Variants in DYNC1H1 observed in about 807,000 individuals in gnomAD.
DYNC1H1 encodes cytoplasmic dynein 1 heavy chain 1.
A neutral mutation model predicts 527.1 loss-of-function variants in DYNC1H1; 51 were observed. The observed-to-expected ratio is 0.10, with a 90% confidence interval of 0.08 to 0.12. The LOEUF is 0.12. Among genes scored for constraint, DYNC1H1 ranks in the 10% least tolerant of loss-of-function variants. The pLI, the probability that DYNC1H1 is intolerant of heterozygous loss-of-function variation, is 1.00. For missense variants in DYNC1H1, 2,771 were observed against 5,971.8 expected (o/e 0.46, Z 17.66); for synonymous variants, 2,189 against 2,278.8 (o/e 0.96, Z 1.12).
chr14:102,035,409 C>G (rs545520636), intron 56 of DYNC1H1: 1 of 152,258 alleles, frequency 6.6e-6, no homozygotes, highest in Non-Finnish European at 1.5e-5. Flanking sequence ...GGCTAGGTGC[C>G]GAGAGGGTTC....
In DYNC1H1 at chr14:102,012,169, T is replaced by G; in HGVS notation, c.6857+56T>G. On this transcript the variant is annotated intron_variant, in intron 33 of 77. Transcript: ENST00000360184. This position sits in a 1 kb window ranked among gnomAD's most constrained non-coding sequence, Gnocchi z 4.9. The stretch of plus-strand genomic sequence containing the variant: ...TCCTGGATATGGGCGCTAAGTACTT[T>G]GCTCTCACAAGAGCAGAGTATACGT... 1.2e-6 allele frequency: 2 copies of G among 1,612,512 alleles called. No individual in the cohort carries two copies. Among genetic ancestry groups the G allele is most frequent in the Non-Finnish European group, 1.7e-6 (2 of 1,178,590 alleles).
rs12161907 is a variant in DYNC1H1, at chr14:101,988,448, G to A, written c.2719-255G>A. On this transcript the variant is annotated intron_variant, in intron 9 of 77. Coordinates refer to ENST00000360184, the MANE Select transcript of DYNC1H1 (RefSeq NM_001376.5). ...GCACACCAGTGGAGAGTGTTGGGGA[G>A]GAGGATATTTTATAGCAGAGGTTAC... Among the ~76,000 whole-genome samples, 838 of 152,288 alleles carry A rather than the reference G, an allele frequency of 5.5e-3. 16 individuals carry two copies. The highest frequency in any genetic ancestry group is 0.036 in the East Asian group (189 of 5,182).
At chr14:102,034,633 TGA>T (rs2048550452) in intron 56 of DYNC1H1, 181 bp downstream of exon 56, 1 of 1,005,988 alleles carries the variant, frequency 9.9e-7, no homozygotes, top group Admixed American at 2.0e-5. Flanking sequence ...GTCAAGTGTC[TGA>T]GTTATTCTGC....
rs2048739424 is a variant in DYNC1H1, at chr14:102,047,627, G to GTGTGTGTGTGTA, written c.13007-179_13007-178insATGTGTGTGTGT. 2.7e-5 allele frequency: 11 copies of GTGTGTGTGTGTA among 400,010 alleles called. 1 individual carries two copies. The African/African-American group carries it at 4.1e-4, about 15-fold the overall frequency. 24.8% of individuals were successfully genotyped at this position (400,010 alleles called of 1,614,324 possible). A position where few individuals can be genotyped will look rare whatever the true frequency, so the allele number is the denominator to read the frequency against. On this transcript the variant is annotated intron_variant, in intron 72 of 77. Transcript: ENST00000360184. ...CATATATGTATATATACACGTGTGT[G>GTGTGTGTGTGTA]TGTGTGTGTGTGTGTATATATATAT...
rs536343159 is a variant in DYNC1H1, at chr14:102,003,287, G to A, written c.4883+322G>A. 2.7e-5 allele frequency among the ~76,000 whole-genome samples: 4 copies of A among 149,038 alleles called. No homozygotes were observed. The South Asian group carries it at 8.5e-4, about 32-fold the overall frequency. On this transcript the variant is annotated intron_variant, in intron 23 of 77. Transcript: ENST00000360184. Reference sequence around the variant, plus strand: ...TTTTCTTTTTTTTTTTTTTGAGATGGAGTCTTGCTCTGTCGCCCAGGCTGG... The same window carrying A: ...TTTTCTTTTTTTTTTTTTTGAGATGAAGTCTTGCTCTGTCGCCCAGGCTGG...
chr14:102,047,410 G>A (rs1200547810), intron 72 of DYNC1H1, among the ~76,000 whole-genome samples: 3 of 151,720 alleles, frequency 2.0e-5, no homozygotes, highest in African/African-American at 7.3e-5. Context: ...GGTGCCACAT[G>A]CCTGTAATCC....
intron 11 of DYNC1H1, among the ~76,000 whole-genome samples, chr14:101,992,931 A>G (rs892940830): frequency 2.0e-5 from 3 of 151,322 alleles, no homozygotes; most frequent in African/African-American, 7.3e-5. Flanking sequence ...ACTCCTGTGC[A>G]CTCTCATTGT....
Position 102,027,333 on chromosome 14 carries a change from T to G in DYNC1H1, c.8886+45T>G, listed in dbSNP as rs775951658. Reference sequence around the variant, plus strand: ...TCTTAATCCCAGCAACAGATGTGTGTGCAGAGCTCAGTGAGTAGGAATGGA... The same window carrying G: ...TCTTAATCCCAGCAACAGATGTGTGGGCAGAGCTCAGTGAGTAGGAATGGA... On this transcript the variant is annotated intron_variant, in intron 45 of 77. Coordinates refer to ENST00000360184, the MANE Select transcript of DYNC1H1 (RefSeq NM_001376.5). The surrounding 1 kb of genome is among the most constrained non-coding windows in gnomAD (Gnocchi z 7.7). 5 of 1,614,060 alleles carry G rather than the reference T, an allele frequency of 3.1e-6. No homozygotes were observed. In the South Asian group the frequency reaches 3.3e-5, roughly 11 times the overall value.
In DYNC1H1 at chr14:102,005,051, G is replaced by C. The variant is rs199740595; in HGVS notation, c.5248G>C (p.Val1750Leu). 1 of 1,614,234 alleles carries C rather than the reference G, an allele frequency of 6.2e-7. No individual in the cohort carries two copies. The highest frequency in any genetic ancestry group is 2.2e-5 in the East Asian group (1 of 44,882). Residue 1750 changes from valine to leucine, a missense_variant, in exon 26 of 78, where the codon GTG (valine) becomes CTG (leucine). Val to Leu is a conservative substitution (Grantham distance 32). Transcript: ENST00000360184. The surrounding 1 kb of genome is among the most constrained non-coding windows in gnomAD (Gnocchi z 4.0). Reference sequence around the variant, plus strand: ...TTTCTGTGTCTTTCAGGCCCAGCTTGTGGTTTTGTCAGCCCAGATAGCCTG... The same window carrying C: ...TTTCTGTGTCTTTCAGGCCCAGCTTCTGGTTTTGTCAGCCCAGATAGCCTG... ...TWIDKYQAQL[V>L]VLSAQIAWSE...
Position 102,033,845 on chromosome 14 carries a change from CTG to C in DYNC1H1, c.10414-128_10414-127del. On this transcript the variant is annotated intron_variant, in intron 54 of 77. Transcript: ENST00000360184. This position sits in a 1 kb window ranked among gnomAD's most constrained non-coding sequence, Gnocchi z 5.6. ...GATCTGGGTCTCATCTCCTCTGGGA[CTG>C]TGAACAACTTGGGCACGTTTCTAAC... 1 of 948,928 alleles carries C rather than the reference CTG, an allele frequency of 1.1e-6. No individual in the cohort carries two copies. Among genetic ancestry groups the C allele is most frequent in the Non-Finnish European group, 1.6e-6 (1 of 611,036 alleles). The allele number at this position is 948,928 out of a possible 1,614,324, so 58.8% of individuals were successfully genotyped here.
chr14:102,029,502 T>C lies in DYNC1H1; in HGVS notation c.9469-37T>C, dbSNP rs200398882. On this transcript the variant is annotated intron_variant, in intron 48 of 77. Transcript: ENST00000360184. The surrounding 1 kb of genome is among the most constrained non-coding windows in gnomAD (Gnocchi z 5.3). The stretch of plus-strand genomic sequence containing the variant: ...TTTTCTGAGGTTAAGTCACAGAGTT[T>C]CCTGAAGAGTGAGAAGATGTAACTA... The C allele has an allele frequency of 6.2e-7, 1 of 1,613,942 alleles. No homozygotes were observed. The highest frequency in any genetic ancestry group is 1.1e-5 in the South Asian group (1 of 91,038).
chr14:102,020,194 GC>G lies in DYNC1H1; in HGVS notation c.8507+140del. 8.4e-7 allele frequency: 1 copy of G among 1,197,238 alleles called. No individual in the cohort carries two copies. Among genetic ancestry groups the G allele is most frequent in the Non-Finnish European group, 1.2e-6 (1 of 838,214 alleles). 74.2% of individuals were successfully genotyped at this position (1,197,238 alleles called of 1,614,324 possible). On this transcript the variant is annotated intron_variant, in intron 42 of 77. Transcript: ENST00000360184. This position sits in a 1 kb window ranked among gnomAD's most constrained non-coding sequence, Gnocchi z 4.3. Reference sequence around the variant, plus strand: ...GCCAGTGGTGGAAGGAGCAGAGTCAGCCAGGGCAGCCTCCCGTCTGGACACT... The same window carrying G: ...GCCAGTGGTGGAAGGAGCAGAGTCAGCAGGGCAGCCTCCCGTCTGGACACT...
At chr14:102,003,863 T>C (rs1265441244) in intron 23 of DYNC1H1, among the ~76,000 whole-genome samples, 4 of 151,924 alleles carry the variant, frequency 2.6e-5, no homozygotes, top group Admixed American at 1.3e-4. Context: ...GAGGCGGAGG[T>C]TGCAGTGAGC....
At chr14:102,022,284 C>G (rs940905697) in intron 42 of DYNC1H1, among the ~76,000 whole-genome samples, 4 of 151,588 alleles carry the variant, frequency 2.6e-5, no homozygotes, top group African/African-American at 9.7e-5. Flanking sequence ...ATCACGAGGT[C>G]AGGAGATCGA....
At chr14:101,976,643 A>G (rs1228614191) in intron 2 of DYNC1H1, among the ~76,000 whole-genome samples, 4 of 152,118 alleles carry the variant, frequency 2.6e-5, no homozygotes, top group Non-Finnish European at 5.9e-5. Flanking sequence ...AAGTTTTCCA[A>G]TTCAATATAA....
At chr14:101,970,378 G>A (rs558237007) in intron 1 of DYNC1H1, among the ~76,000 whole-genome samples, 57 of 150,578 alleles carry the variant, frequency 3.8e-4, no homozygotes, top group Middle Eastern at 6.9e-3. Context: ...CAAGAAAGGG[G>A]AAAACTAAAG....
chr14:102,000,489 A>G (rs2048117227), intron 18 of DYNC1H1, 90 bp downstream of exon 18: 3 of 1,166,718 alleles, frequency 2.6e-6, no homozygotes, highest in Non-Finnish European at 3.8e-6. Context: ...GTGTATTTGT[A>G]TTGTGAGTTC....
In DYNC1H1 at chr14:101,981,799, G is replaced by A. The variant is rs148341828; in HGVS notation, c.962-1220G>A. Among the ~76,000 whole-genome samples, 67 of 152,200 alleles carry A rather than the reference G, an allele frequency of 4.4e-4. 1 individual carries two copies. In the East Asian group the frequency reaches 0.012, roughly 27 times the overall value. On this transcript the variant is annotated intron_variant, in intron 5 of 77. Coordinates refer to ENST00000360184, the MANE Select transcript of DYNC1H1 (RefSeq NM_001376.5). ...TTTTTTTGATCTTATGCCAAAGAAA[G>A]TCAATAAATAGATTAGGATCCAAGC...
chr14:102,040,820 G>A (rs1025269007), intron 64 of DYNC1H1, 147 bp downstream of exon 64: 26 of 942,926 alleles, frequency 2.8e-5, no homozygotes, highest in Admixed American at 8.0e-5. Flanking sequence ...TTAGCCAGGC[G>A]TGGCGGTGCA....
Sources: gnomAD v4.1 joint callset for allele counts (sites outside exome capture counted in the v4.1 genomes callset) on GRCh38, gnomAD v4.1.1 for gene constraint, Gnocchi (gnomAD v3.1) non-coding constraint, MANE v1.5 for transcripts, NCBI Gene and HGNC (gene_info 2026-07-23, HGNC 2026-07-21) for gene names.